The following HIVEP3 variants were observed in gnomAD, a reference collection of about 807,000 sequenced individuals.
HIVEP3 encodes the protein transcription factor HIVEP3.
Under a neutral mutation model 152.8 loss-of-function variants are expected in HIVEP3, and 49 were observed. The observed-to-expected ratio is 0.32, with a 90% CI of 0.26 to 0.41. HIVEP3 has a LOEUF of 0.41. HIVEP3 is among the 10% of genes least tolerant of loss of function. The pLI is 1.00. For missense variants in HIVEP3, 2,790 were observed against 3,103.3 expected (o/e 0.90, Z 2.40); for synonymous variants, 1,269 against 1,289.0 (o/e 0.98, Z 0.33).
At chr1:41,949,286 G>C (rs1202688599) in intron 1 of HIVEP3, among the ~76,000 whole-genome samples, 1 of 152,146 alleles carries the variant, frequency 6.6e-6, no homozygotes, top group African/African-American at 2.4e-5. Context: ...TGTTATCGGA[G>C]CAGGAGTGCT....
At chr1:41,796,513 G>C (rs542008878) in intron 1 of HIVEP3, among the ~76,000 whole-genome samples, 4 of 152,236 alleles carry the variant, frequency 2.6e-5, no homozygotes, top group Non-Finnish European at 5.9e-5. Context: ...CATAGATCTG[G>C]TATTCTGTGA....
intron 1 of HIVEP3, among the ~76,000 whole-genome samples, chr1:41,845,680 C>G (rs534265621): frequency 6.6e-6 from 1 of 152,102 alleles, no homozygotes; most frequent in Non-Finnish European, 1.5e-5. Context: ...AACTAGATGG[C>G]TGGGCATGTA....
At chr1:41,865,361 G>T (rs1643950152) in intron 1 of HIVEP3, among the ~76,000 whole-genome samples, 1 of 152,184 alleles carries the variant, frequency 6.6e-6, no homozygotes, top group South Asian at 2.1e-4. Flanking sequence ...ACCTCTGGCG[G>T]TGATAGCAGG....
chr1:41,832,547 C>T (rs1377758024), intron 1 of HIVEP3, among the ~76,000 whole-genome samples: 1 of 152,112 alleles, frequency 6.6e-6, no homozygotes, highest in Non-Finnish European at 1.5e-5. Context: ...ACAAAAATTA[C>T]TGGGTGTGTG....
At position 41,585,240 on chromosome 1, in the gene HIVEP3, G is replaced by A. The variant is rs1264194745; in HGVS notation, c.-443C>T. On this transcript the variant is annotated 5_prime_UTR_variant, in exon 4 of 9. Coordinates refer to ENST00000372583, the MANE Select transcript of HIVEP3 (RefSeq NM_024503.5). ...GTCCTGGCACAAGAGATGCCACGCT[G>A]GATGCTGGGGGTGGCTCTTCTCCCC... The A allele has an allele frequency of 2.5e-6, 1 of 398,998 alleles. No individual in the cohort carries two copies. 24.7% of individuals were successfully genotyped at this position (398,998 alleles called of 1,614,324 possible). A position where few individuals can be genotyped will look rare whatever the true frequency, so the allele number is the denominator to read the frequency against.
At chr1:41,738,498 C>T (rs1414216314) in intron 1 of HIVEP3, among the ~76,000 whole-genome samples, 1 of 152,160 alleles carries the variant, frequency 6.6e-6, no homozygotes, top group Non-Finnish European at 1.5e-5. Context: ...AATTCATTGA[C>T]TCTTCTCTGT....
chr1:41,561,215 A>G (rs1231755444), intron 5 of HIVEP3, among the ~76,000 whole-genome samples: 1 of 152,180 alleles, frequency 6.6e-6, no homozygotes, highest in East Asian at 1.9e-4. Context: ...ACAAAGAGCA[A>G]TTGCAGAGCT....
At chr1:41,916,504 G>C (rs1644873944) in intron 1 of HIVEP3, among the ~76,000 whole-genome samples, 1 of 152,130 alleles carries the variant, frequency 6.6e-6, no homozygotes, top group Non-Finnish European at 1.5e-5. Flanking sequence ...GGAGTGGAGA[G>C]GAAGCAGAGA....
At chr1:41,753,435 A>C (rs1647197967) in intron 1 of HIVEP3, among the ~76,000 whole-genome samples, 1 of 152,128 alleles carries the variant, frequency 6.6e-6, no homozygotes, top group Non-Finnish European at 1.5e-5. Context: ...TGGGAGGCCG[A>C]GGTAGGAGGA....
chr1:41,782,983 G>A (rs1014017430), intron 1 of HIVEP3, among the ~76,000 whole-genome samples: 1 of 152,092 alleles, frequency 6.6e-6, no homozygotes, highest in South Asian at 2.1e-4. Context: ...CAGCAGCGGG[G>A]CTTCAGGGTG....
chr1:41,753,450 T>C (rs1269891246), intron 1 of HIVEP3, among the ~76,000 whole-genome samples: 2 of 152,028 alleles, frequency 1.3e-5, no homozygotes, highest in African/African-American at 4.8e-5. Context: ...GGAGGATCAC[T>C]TGAGGTCAGG....
rs1644484625 is a variant in HIVEP3, at chr1:41,585,126, C to T, written c.-329G>A. The T allele has an allele frequency of 7.5e-6, 3 of 400,014 alleles. No homozygotes were observed. In the South Asian group the frequency reaches 4.2e-4, roughly 55 times the overall value. The allele number at this position is 400,014 out of a possible 1,614,324, so 24.8% of individuals were successfully genotyped here. A position where few individuals can be genotyped will look rare whatever the true frequency, so the allele number is the denominator to read the frequency against. On this transcript the variant is annotated 5_prime_UTR_variant, in exon 4 of 9. Transcript: ENST00000372583. ...ATTGCCATTGTATTGTTTCAGCTGG[C>T]AGTGGCAGGTGGCCCCCACGAGTCC... is the stretch of plus-strand genomic sequence containing the variant.
chr1:41,998,886 TC>T (rs1645410370), intron 1 of HIVEP3, among the ~76,000 whole-genome samples: 2 of 78,934 alleles, frequency 2.5e-5, no homozygotes, highest in Non-Finnish European at 4.6e-5. Flanking sequence ...CTTTTCTCTC[TC>T]TCTTTTTTTT....
At chr1:41,568,525 G>A (rs1353985754) in intron 5 of HIVEP3, among the ~76,000 whole-genome samples, 1 of 152,238 alleles carries the variant, frequency 6.6e-6, no homozygotes, top group Non-Finnish European at 1.5e-5. Flanking sequence ...GACCTTAACA[G>A]GATCACTCTT....
chr1:41,952,477 C>T (rs115048795), intron 1 of HIVEP3, among the ~76,000 whole-genome samples: 216 of 152,210 alleles, frequency 1.4e-3, no homozygotes, highest in Non-Finnish European at 2.6e-3. Flanking sequence ...GCCTGCGAGG[C>T]CCTTCAAGTG....
At chr1:41,923,025 A>G (rs1452082598), upstream of HIVEP3, among the ~76,000 whole-genome samples, 1 of 152,224 alleles carries the variant, frequency 6.6e-6, no homozygotes, top group Admixed American at 6.5e-5. Flanking sequence ...TTCACAAAGA[A>G]TAATAAAGGA....
chr1:41,609,348 C>T (rs932281463), intron 3 of HIVEP3, among the ~76,000 whole-genome samples: 1 of 152,252 alleles, frequency 6.6e-6, no homozygotes, highest in East Asian at 1.9e-4. Flanking sequence ...AGGGTAGGAA[C>T]AGCCAGCCCT....
At position 41,580,460 on chromosome 1, in the gene HIVEP3, C is replaced by G; in HGVS notation, c.4338G>C (p.Gln1446His). ...CCTCCTCCTCCTTCACTCTTTTTTG[C>G]TGCTGGGTTTCCATGGTAAGTTCAA... The part of the protein sequence containing the change: ...GSLELTMETQ[Q>H]QKRVKEEEAS... Residue 1446 changes from glutamine (Q) to histidine (H), a missense_variant, in exon 4 of 9, where the codon CAG (glutamine) becomes CAC (histidine). Transcript: ENST00000372583. The G allele has an allele frequency of 6.2e-7, 1 of 1,614,132 alleles. No individual in the cohort carries two copies.
intron 1 of HIVEP3, among the ~76,000 whole-genome samples, chr1:41,709,435 T>C (rs1570366694): frequency 6.6e-6 from 1 of 152,074 alleles, no homozygotes; most frequent in Non-Finnish European, 1.5e-5. Flanking sequence ...GGGGCAGACC[T>C]GTGGTGGATC....
Sources: gnomAD v4.1 joint callset for allele counts (sites outside exome capture counted in the v4.1 genomes callset) on GRCh38, gnomAD v4.1.1 for gene constraint, MANE v1.5 for transcripts, NCBI Gene and HGNC (gene_info 2026-07-23, HGNC 2026-07-21) for gene names.